The following FKBP5 variants were observed in gnomAD, a reference collection of about 807,000 sequenced individuals.
FKBP5 encodes peptidyl-prolyl cis-trans isomerase FKBP5.
A neutral mutation model predicts 50.5 loss-of-function variants in FKBP5; 23 were observed. The ratio of observed to expected loss-of-function variants is 0.46; its 90% CI spans 0.33 to 0.65. The LOEUF is 0.65. FKBP5 is among the 30% of genes least tolerant of loss of function. The pLI, the probability that FKBP5 is intolerant of heterozygous loss-of-function variation, is 0.02. For synonymous variants in FKBP5, 176 were observed against 190.6 expected, an observed-to-expected ratio of 0.92 and a Z score of 0.63; for missense variants, 411 against 553.1, an observed-to-expected ratio of 0.74 and a Z score of 2.58.
intron 1 of FKBP5, among the ~76,000 whole-genome samples, chr6:35,681,928 C>CA (rs908039277): frequency 2.8e-4 from 42 of 151,474 alleles, no homozygotes; most frequent in African/African-American, 8.2e-4. Flanking sequence ...GAGACTGTCT[C>CA]AAAAAAAAGA....
intron 5 of FKBP5, among the ~76,000 whole-genome samples, chr6:35,617,822 A>T (rs78570480): frequency 0.012 from 1,821 of 152,332 alleles, 40 homozygotes; most frequent in East Asian, 0.05. Flanking sequence ...ACACAGTGGT[A>T]CATATAATTT....
chr6:35,619,135 C>T lies in FKBP5; in HGVS notation c.469G>A (p.Glu157Lys). ...CCTTCGTTTGGATTTGAATATCCCT[C>T]TCCTTTCCGTTTGGTTCTCCGGATA... ...GIIRRTKRKG[E>K]GYSNPNEGAT... Residue 157 changes from glutamate to lysine, a missense_variant, in exon 5 of 11, where the codon GAG (glutamate) becomes AAG (lysine). Glu to Lys is a moderately conservative substitution (Grantham distance 56). Around this residue, in one of 3 missense-constraint regions of FKBP5, gnomAD observed 267 missense variants for 405.9 expected, o/e 0.66. Coordinates refer to ENST00000357266, the MANE Select transcript of FKBP5 (RefSeq NM_004117.4). 6.2e-7 allele frequency: 1 copy of T among 1,613,922 alleles called. No individual in the cohort carries two copies.
intron 2 of FKBP5, among the ~76,000 whole-genome samples, chr6:35,714,847 A>G (rs544126944): frequency 1.3e-5 from 2 of 152,276 alleles, no homozygotes; most frequent in Admixed American, 6.5e-5. Flanking sequence ...GTTCTATAAA[A>G]ATAAAATAGG....
At chr6:35,584,106 C>T in intron 8 of FKBP5, 1 of 985,396 alleles carries the variant, frequency 1.0e-6, no homozygotes, top group Non-Finnish European at 1.2e-6. Flanking sequence ...ATGCTCCTGT[C>T]CTGCAGAACA....
chr6:35,641,462 A>G (rs1033307289), intron 2 of FKBP5, among the ~76,000 whole-genome samples: 1 of 152,172 alleles, frequency 6.6e-6, no homozygotes, highest in Admixed American at 6.5e-5. Context: ...CAAACACATA[A>G]TACACTGTAC....
chr6:35,606,759 G>A (rs1283240783), intron 5 of FKBP5, among the ~76,000 whole-genome samples: 16 of 149,384 alleles, frequency 1.1e-4, no homozygotes, highest in Admixed American at 1.1e-3. Context: ...CAGTGTTGAT[G>A]AGAATGGAAA....
chr6:35,700,124 C>T (rs1439664209), intron 2 of FKBP5, among the ~76,000 whole-genome samples: 1 of 152,094 alleles, frequency 6.6e-6, no homozygotes, highest in East Asian at 1.9e-4. Flanking sequence ...AGAATTGCTA[C>T]GGACCTGTGG....
chr6:35,692,494 T>C (rs1174020660), upstream of FKBP5, among the ~76,000 whole-genome samples: 1 of 152,088 alleles, frequency 6.6e-6, no homozygotes, highest in Non-Finnish European at 1.5e-5. Context: ...CTTTGTACAT[T>C]AAGGTTTTTG....
At chr6:35,696,798 A>G (rs935121427) in intron 2 of FKBP5, among the ~76,000 whole-genome samples, 3 of 152,220 alleles carry the variant, frequency 2.0e-5, no homozygotes, top group Admixed American at 2.0e-4. Flanking sequence ...TCCTGATTTC[A>G]AAACTTACTT....
At chr6:35,598,442 C>T (rs1247934661) in intron 5 of FKBP5, among the ~76,000 whole-genome samples, 3 of 151,348 alleles carry the variant, frequency 2.0e-5, no homozygotes, top group Non-Finnish European at 4.4e-5. Flanking sequence ...AGGCTGGTCT[C>T]GAACTCCTGA....
At chr6:35,703,305 G>A (rs537069543) in intron 2 of FKBP5, among the ~76,000 whole-genome samples, 144 of 152,122 alleles carry the variant, frequency 9.5e-4, no homozygotes, top group Middle Eastern at 3.4e-3. Context: ...CCAGCTACTC[G>A]GGAGGCTGAG....
At chr6:35,683,080 T>G (rs1183139210) in intron 1 of FKBP5, among the ~76,000 whole-genome samples, 1 of 150,700 alleles carries the variant, frequency 6.6e-6, no homozygotes, top group Non-Finnish European at 1.5e-5. Context: ...CCCAAGCTCT[T>G]TCTTTAAAAA....
chr6:35,637,924 TC>T (rs1370717037), intron 2 of FKBP5, among the ~76,000 whole-genome samples: 2 of 152,198 alleles, frequency 1.3e-5, no homozygotes, highest in African/African-American at 2.4e-5. Flanking sequence ...CTGACTAGAT[TC>T]TGCTTGTTTA....
intron 5 of FKBP5, among the ~76,000 whole-genome samples, chr6:35,612,532 G>C (rs975295228): frequency 2.0e-5 from 3 of 152,244 alleles, no homozygotes; most frequent in Non-Finnish European, 4.4e-5. Context: ...GTAACTGTTT[G>C]TATTAGTCCA....
chr6:35,608,790 G>T (rs1763407405), intron 5 of FKBP5, among the ~76,000 whole-genome samples: 1 of 152,080 alleles, frequency 6.6e-6, no homozygotes, highest in African/African-American at 2.4e-5. Context: ...AATCCAGACT[G>T]TTATTATTGT....
At position 35,672,737 on chromosome 6, in the gene FKBP5, A is replaced by G. The variant is rs1384435743; in HGVS notation, c.-20+16067T>C. Among the ~76,000 whole-genome samples, 9 of 149,428 alleles carry G rather than the reference A, an allele frequency of 6.0e-5. No homozygotes were observed. In the East Asian group the frequency reaches 1.6e-3, roughly 26 times the overall value. Reference sequence around the variant, plus strand: ...TCAGGAGATTGAGACCATTCTGGCTAACACGGTGAAAACTTGTCTCTACTA... The same window carrying G: ...TCAGGAGATTGAGACCATTCTGGCTGACACGGTGAAAACTTGTCTCTACTA... On this transcript the variant is annotated intron_variant, in intron 1 of 10. Coordinates refer to ENST00000357266, the MANE Select transcript of FKBP5 (RefSeq NM_004117.4).
chr6:35,639,847 A>G (rs1764427670), intron 2 of FKBP5, among the ~76,000 whole-genome samples: 1 of 152,244 alleles, frequency 6.6e-6, no homozygotes, highest in Admixed American at 6.5e-5. Context: ...ATTAAAACTC[A>G]GCATCCTGGT....
intron 8 of FKBP5, chr6:35,582,206 T>C: frequency 1.0e-6 from 1 of 985,416 alleles, no homozygotes; most frequent in Non-Finnish European, 1.2e-6. Context: ...TCACCCTCTC[T>C]GCCTCAGAAG....
chr6:35,705,680 T>C (rs975005420), intron 2 of FKBP5, among the ~76,000 whole-genome samples: 1 of 152,186 alleles, frequency 6.6e-6, no homozygotes, highest in East Asian at 1.9e-4. Flanking sequence ...TCAGTACTAA[T>C]GGTGGAAAAA....
Sources: gnomAD v4.1 joint callset for allele counts (sites outside exome capture counted in the v4.1 genomes callset) on GRCh38, gnomAD v4.1.1 for gene constraint, gnomAD v4.1.1 regional missense constraint, MANE v1.5 for transcripts, NCBI Gene and HGNC (gene_info 2026-07-23, HGNC 2026-07-21) for gene names.